NSUN7: variants seen among roughly 807,000 people sequenced by gnomAD.
NSUN7 encodes NOP2/Sun RNA methyltransferase family member 7.
A neutral mutation model predicts 58.5 loss-of-function variants in NSUN7; 39 were observed. The ratio of observed to expected loss-of-function variants is 0.67; its 90% CI spans 0.52 to 0.87. The LOEUF (loss-of-function observed/expected upper bound fraction) is 0.87. NSUN7 is among the 40% of genes least tolerant of loss of function. The pLI, the probability that NSUN7 is intolerant of heterozygous loss-of-function variation, is 0.00. For synonymous variants in NSUN7, 278 were observed against 303.7 expected, an observed-to-expected ratio of 0.92 and a Z score of 0.88; for missense variants, 765 against 844.1, an observed-to-expected ratio of 0.91 and a Z score of 1.16.
At chr4:40,790,570 T>C (rs753900239) in intron 7 of NSUN7, 32 bp from the exon 8 acceptor site, 1 of 1,360,280 alleles carries the variant, frequency 7.4e-7, no homozygotes, top group Non-Finnish European at 1.0e-6. Flanking sequence ...TCATTAATAT[T>C]TTACATTAAA....
intron 5 of NSUN7, 43 bp downstream of exon 5, chr4:40,774,460 C>A: frequency 6.3e-7 from 1 of 1,576,412 alleles, no homozygotes; most frequent in African/African-American, 1.4e-5. Context: ...AGTCTCCATC[C>A]TTTTAAAATA....
At position 40,794,395 on chromosome 4, in the gene NSUN7, C is replaced by A; in HGVS notation, c.1201C>A (p.His401Asn). ...TTCAGATACAGAATTCCTTAAAGATCACTCTCAAGGAGGCATCTCAGTGGA... is the reference window on the plus strand; with the variant it reads ...TTCAGATACAGAATTCCTTAAAGATAACTCTCAAGGAGGCATCTCAGTGGA... Reference protein sequence around the residue: ...EHEDTEFLKDHSQGGISVDKL... With the variant: ...EHEDTEFLKDNSQGGISVDKL... Residue 401 changes from histidine to asparagine, a missense_variant, in exon 9 of 12, where the codon CAC (histidine) becomes AAC (asparagine). By Grantham distance (68) the His-to-Asn change is moderately conservative. Transcript: ENST00000381782. 1 of 1,604,824 alleles carries A rather than the reference C, an allele frequency of 6.2e-7. No homozygotes were observed. Among genetic ancestry groups the A allele is most frequent in the East Asian group, 2.2e-5 (1 of 44,548 alleles).
intron 7 of NSUN7, among the ~76,000 whole-genome samples, chr4:40,780,792 C>CACACACACAT (rs1279795326): frequency 3.0e-5 from 3 of 98,756 alleles, no homozygotes; most frequent in African/African-American, 1.2e-4. Context: ...CACACATACA[C>CACACACACAT]ATATATATAT....
chr4:40,798,821 T>C lies in NSUN7; in HGVS notation c.1317T>C (p.Cys439=). The change falls in exon 10 of 12, where the codon TGT becomes TGC. Residue 439 remains cysteine, a synonymous_variant. Coordinates refer to ENST00000381782, the MANE Select transcript of NSUN7 (RefSeq NM_024677.6). ...CTCAAGCAGTTGTTTACTGCACATGTTCAGTTTTTCCAGAAGAAAATGAAG... is the reference window on the plus strand; with the variant it reads ...CTCAAGCAGTTGTTTACTGCACATGCTCAGTTTTTCCAGAAGAAAATGAAG... ...TKAQAVVYCT[C]SVFPEENEAV... is the part of the protein sequence containing the mutation. The C allele has an allele frequency of 6.2e-7, 1 of 1,612,100 alleles. No individual in the cohort carries two copies. The highest frequency in any genetic ancestry group is 8.5e-7 in the Non-Finnish European group (1 of 1,178,884).
intron 2 of NSUN7, among the ~76,000 whole-genome samples, chr4:40,753,232 C>T (rs1740925054): frequency 6.6e-6 from 1 of 151,628 alleles, no homozygotes; most frequent in South Asian, 2.1e-4. Context: ...TTTGTCCTCT[C>T]CCTCCTATTT....
At chr4:40,788,726 G>GT (rs1742947402) in intron 7 of NSUN7, among the ~76,000 whole-genome samples, 1 of 152,144 alleles carries the variant, frequency 6.6e-6, no homozygotes, top group Non-Finnish European at 1.5e-5. Flanking sequence ...TATTCCTTTG[G>GT]TAACCGTGCC....
intron 7 of NSUN7, chr4:40,786,747 T>A (rs1742843924): frequency 2.0e-6 from 3 of 1,515,066 alleles, no homozygotes. Flanking sequence ...GTGGAGTAGG[T>A]TTTCTCTGGT....
chr4:40,756,817 T>A (rs1741165245), intron 2 of NSUN7, among the ~76,000 whole-genome samples: 1 of 152,166 alleles, frequency 6.6e-6, no homozygotes, highest in Non-Finnish European at 1.5e-5. Flanking sequence ...ATGGGGGTCC[T>A]TATACTTTTT....
At chr4:40,787,684 CAA>C (rs1742894602) in intron 7 of NSUN7, among the ~76,000 whole-genome samples, 2 of 152,176 alleles carry the variant, frequency 1.3e-5, no homozygotes, top group South Asian at 4.1e-4. Context: ...ACCCACAAGA[CAA>C]AAAGTTTTTA....
intron 10 of NSUN7, among the ~76,000 whole-genome samples, chr4:40,803,182 A>G (rs1050060590): frequency 2.8e-4 from 43 of 151,874 alleles, no homozygotes; most frequent in South Asian, 2.7e-3. Context: ...AATCCAGTCT[A>G]TCATTGTTGG....
At chr4:40,770,556 A>G (rs1741949839) in intron 4 of NSUN7, among the ~76,000 whole-genome samples, 1 of 152,232 alleles carries the variant, frequency 6.6e-6, no homozygotes, top group Admixed American at 6.5e-5. Context: ...CCTAAATGTC[A>G]TTATGCAGCA....
intron 2 of NSUN7, among the ~76,000 whole-genome samples, chr4:40,758,618 A>G (rs1741289477): frequency 6.6e-6 from 1 of 152,144 alleles, no homozygotes; most frequent in African/African-American, 2.4e-5. Flanking sequence ...TGAGGCCAGG[A>G]GTTTGAGACC....
intron 7 of NSUN7, among the ~76,000 whole-genome samples, chr4:40,779,502 G>T (rs924013746): frequency 6.6e-6 from 1 of 152,182 alleles, no homozygotes; most frequent in Admixed American, 6.5e-5. Flanking sequence ...TACTCATGAG[G>T]CTGAGGCAGG....
intron 2 of NSUN7, among the ~76,000 whole-genome samples, chr4:40,757,566 A>G (rs1027205669): frequency 2.1e-5 from 3 of 143,424 alleles, no homozygotes; most frequent in Non-Finnish European, 3.0e-5. Flanking sequence ...TTATATATAT[A>G]TATAAATTGC....
intron 7 of NSUN7, among the ~76,000 whole-genome samples, chr4:40,783,576 G>A (rs1297193404): frequency 2.0e-5 from 3 of 152,122 alleles, no homozygotes; most frequent in Admixed American, 6.5e-5. Flanking sequence ...GGCCAGGCAC[G>A]GTGGCTCATG....
chr4:40,755,548 C>T (rs1403905698), intron 2 of NSUN7, among the ~76,000 whole-genome samples: 2 of 152,146 alleles, frequency 1.3e-5, no homozygotes, highest in Non-Finnish European at 2.9e-5. Flanking sequence ...TGTTGCTGAA[C>T]TTCGAATCCC....
chr4:40,794,616 A>C (rs906623737), intron 9 of NSUN7, 140 bp downstream of exon 9: 1 of 500,554 alleles, frequency 2.0e-6, no homozygotes. Flanking sequence ...ACTGCCTTCA[A>C]ATAACAAAAT....
chr4:40,808,524 C>T lies in NSUN7; in HGVS notation c.1742C>T (p.Ser581Leu). The T allele has an allele frequency of 6.4e-7, 1 of 1,552,702 alleles. No individual in the cohort carries two copies. Among genetic ancestry groups the T allele is most frequent in the Non-Finnish European group, 8.7e-7 (1 of 1,147,352 alleles). ...NRETKASANL[S>L]ETVTKPPLPQ... ...GAAACTAAAGCCAGTGCTAATCTAT[C>T]AGAGACTGTAACAAAACCACCTCTT... The change falls in exon 12 of 12, where the codon TCA becomes TTA. Residue 581 changes from serine to leucine, a missense_variant. Ser to Leu is a moderately radical substitution (Grantham distance 145). Coordinates refer to ENST00000381782, the MANE Select transcript of NSUN7 (RefSeq NM_024677.6).
At chr4:40,757,709 T>G (rs1741232122) in intron 2 of NSUN7, among the ~76,000 whole-genome samples, 2 of 72,892 alleles carry the variant, frequency 2.7e-5, no homozygotes, top group Non-Finnish European at 2.6e-5. Flanking sequence ...ATATACATTG[T>G]GTGTGTGTGT....
Sources: allele counts gnomAD v4.1 joint callset (sites outside exome capture counted in the v4.1 genomes callset), GRCh38; gene constraint gnomAD v4.1.1; transcripts MANE v1.5; gene names NCBI Gene and HGNC (gene_info 2026-07-23, HGNC 2026-07-21).